The following WDR72 variants were observed in gnomAD, a reference collection of about 807,000 sequenced individuals.
The protein encoded by WDR72 is WD repeat-containing protein 72.
Under a neutral mutation model 124.2 loss-of-function variants are expected in WDR72, and 120 were observed. That is an observed-to-expected ratio of 0.97 (90% CI 0.83 to 1.12). WDR72 has a LOEUF of 1.12. Among genes scored for constraint, WDR72 ranks in the 50% most tolerant of loss-of-function variants. WDR72 has a pLI of 0.00. For missense variants in WDR72, 1,387 were observed against 1,278.8 expected (o/e 1.08, Z -1.29); for synonymous variants, 452 against 441.7 (o/e 1.02, Z -0.29).
chr15:53,700,859 T>C (rs897428113), intron 12 of WDR72, among the ~76,000 whole-genome samples: 9 of 152,152 alleles, frequency 5.9e-5, no homozygotes, highest in African/African-American at 2.2e-4. Flanking sequence ...AACCATTCTA[T>C]TTCCTGGAGA....
intron 14 of WDR72, among the ~76,000 whole-genome samples, chr15:53,632,604 C>G (rs1050486844): frequency 6.6e-6 from 1 of 152,196 alleles, no homozygotes; most frequent in African/African-American, 2.4e-5. Context: ...GCATCCTCAG[C>G]CTGGAAAAGC....
At chr15:53,725,185 C>T (rs901014340) in intron 2 of WDR72, among the ~76,000 whole-genome samples, 2 of 151,904 alleles carry the variant, frequency 1.3e-5, no homozygotes, top group Non-Finnish European at 2.9e-5. Context: ...ATACAGATGG[C>T]AAGTGAACAT....
Position 53,523,934 on chromosome 15 carries a change from G to A in WDR72, c.3149-612C>T, listed in dbSNP as rs1417097085. On this transcript the variant is annotated intron_variant, in intron 18 of 19. Transcript: ENST00000360509. ...TCCAGACAACCTATCATGAGATATT[G>A]TAGAATTATGACCAGAAATGGAAAC... is the stretch of plus-strand genomic sequence containing the variant. Among the ~76,000 whole-genome samples the A allele has an allele frequency of 2.0e-5, 3 of 152,058 alleles. No individual in the cohort carries two copies. The East Asian group carries it at 5.8e-4, about 29-fold the overall frequency.
intron 18 of WDR72, among the ~76,000 whole-genome samples, chr15:53,585,118 T>C (rs969484689): frequency 2.6e-5 from 4 of 151,974 alleles, no homozygotes; most frequent in Non-Finnish European, 5.9e-5. Context: ...TTATTGGGTG[T>C]ATTAGTCTAT....
intron 18 of WDR72, among the ~76,000 whole-genome samples, chr15:53,546,382 G>T (rs1310419938): frequency 6.6e-6 from 1 of 151,428 alleles, no homozygotes; most frequent in East Asian, 1.9e-4. Flanking sequence ...GATGAAATTG[G>T]AAATCATCAT....
chr15:53,527,999 T>C (rs1274731621), intron 18 of WDR72, among the ~76,000 whole-genome samples: 1 of 152,060 alleles, frequency 6.6e-6, no homozygotes, highest in Non-Finnish European at 1.5e-5. Context: ...TGAGAAAAGC[T>C]ACATAAAATT....
intron 17 of WDR72, among the ~76,000 whole-genome samples, chr15:53,600,618 CTG>C (rs2013001698): frequency 6.6e-6 from 1 of 152,122 alleles, no homozygotes; most frequent in Non-Finnish European, 1.5e-5. Flanking sequence ...GAGCAAAATA[CTG>C]TAAAATAGCA....
Position 53,515,012 on chromosome 15 carries a change from T to C in WDR72, c.*2687A>G, listed in dbSNP as rs971261264. On this transcript the variant is annotated 3_prime_UTR_variant, in exon 20 of 20. Coordinates refer to ENST00000360509, the MANE Select transcript of WDR72 (RefSeq NM_182758.4). ...ATATTCCTTTGGGGGATATGCCATA[T>C]ATATATATATATACACACATATATA... 6.8e-6 allele frequency: 1 copy of C among 147,826 alleles called. No homozygotes were observed. The highest frequency in any genetic ancestry group is 1.5e-5 in the Non-Finnish European group (1 of 67,186). 9.2% of individuals were successfully genotyped at this position (147,826 alleles called of 1,614,324 possible).
chr15:53,621,448 T>TATATATATATATATATATATAA (rs1467016711), intron 14 of WDR72, among the ~76,000 whole-genome samples: 1 of 142,936 alleles, frequency 7.0e-6, no homozygotes, highest in African/African-American at 2.6e-5. Flanking sequence ...TATATATATA[T>TATATATATATATATATATATAA]ATATATATAT....
chr15:53,553,144 G>A (rs1893804651), intron 18 of WDR72, among the ~76,000 whole-genome samples: 1 of 152,148 alleles, frequency 6.6e-6, no homozygotes, highest in Non-Finnish European at 1.5e-5. Flanking sequence ...ATAATGCCCG[G>A]TAGAGGGGAG....
intron 9 of WDR72, among the ~76,000 whole-genome samples, chr15:53,708,536 G>T (rs1165251607): frequency 6.6e-6 from 1 of 151,888 alleles, no homozygotes; most frequent in Non-Finnish European, 1.5e-5. Context: ...ACCCATTACT[G>T]GATTTGGGCT....
At chr15:53,735,156 T>C (rs983489485) in intron 1 of WDR72, among the ~76,000 whole-genome samples, 5 of 152,062 alleles carry the variant, frequency 3.3e-5, no homozygotes, top group African/African-American at 9.7e-5. Context: ...TAGCCAGGCA[T>C]GGTGGCACAC....
At chr15:53,522,503 C>T (rs1160957522) in intron 19 of WDR72, among the ~76,000 whole-genome samples, 1 of 151,994 alleles carries the variant, frequency 6.6e-6, no homozygotes, top group African/African-American at 2.4e-5. Context: ...AATGTTCATT[C>T]GACTTTTACA....
chr15:53,729,337 C>T (rs2018132064), intron 2 of WDR72, among the ~76,000 whole-genome samples: 1 of 152,134 alleles, frequency 6.6e-6, no homozygotes, highest in African/African-American at 2.4e-5. Flanking sequence ...CCCCTTTCTC[C>T]AATATGCCCT....
At chr15:53,706,362 A>ATATGTGTGTGTG (rs2017368594) in intron 9 of WDR72, among the ~76,000 whole-genome samples, 1 of 43,928 alleles carries the variant, frequency 2.3e-5, no homozygotes, top group Admixed American at 2.5e-4. Context: ...ATATATATAT[A>ATATGTGTGTGTG]TATATATATA....
chr15:53,700,001 T>G (rs998168069), intron 12 of WDR72, 56 bp from the exon 13 acceptor site: 54 of 1,605,020 alleles, frequency 3.4e-5, no homozygotes, highest in Non-Finnish European at 3.2e-5. Flanking sequence ...TCTTTATGAG[T>G]AAGTCAGATT....
At chr15:53,695,586 C>T (rs986973853) in intron 13 of WDR72, among the ~76,000 whole-genome samples, 3 of 152,104 alleles carry the variant, frequency 2.0e-5, no homozygotes, top group Admixed American at 2.0e-4. Flanking sequence ...AACTAGATGC[C>T]CTCATCACTC....
intron 18 of WDR72, among the ~76,000 whole-genome samples, chr15:53,563,762 T>G (rs1894204283): frequency 6.6e-6 from 1 of 151,788 alleles, no homozygotes; most frequent in Non-Finnish European, 1.5e-5. Context: ...CACTGATTAC[T>G]TGATGTAATA....
At chr15:53,643,485 C>T (rs1309693185) in intron 14 of WDR72, among the ~76,000 whole-genome samples, 2 of 152,086 alleles carry the variant, frequency 1.3e-5, no homozygotes, top group East Asian at 1.9e-4. Context: ...CGTTAAAGTC[C>T]CTAGTTGTTT....
Sources: allele counts gnomAD v4.1 joint callset (sites outside exome capture counted in the v4.1 genomes callset), GRCh38; gene constraint gnomAD v4.1.1; transcripts MANE v1.5; gene names NCBI Gene and HGNC (gene_info 2026-07-23, HGNC 2026-07-21).